Variants in PRLR observed in about 807,000 individuals in gnomAD.
The protein encoded by PRLR is hPRL receptor.
In PRLR, 13 loss-of-function variants were observed where a neutral mutation model predicts 40.2. That is an observed-to-expected ratio of 0.32 (90% confidence interval 0.21 to 0.51). The LOEUF (loss-of-function observed/expected upper bound fraction) is 0.51. Ranked by LOEUF, PRLR falls within the 20% of genes least tolerant of loss-of-function variation. PRLR has a pLI of 0.97. For synonymous variants in PRLR, 269 were observed against 278.7 expected, an observed-to-expected ratio of 0.97 and a Z score of 0.35; for missense variants, 656 against 747.3, an observed-to-expected ratio of 0.88 and a Z score of 1.42.
intron 2 of PRLR, among the ~76,000 whole-genome samples, chr5:35,105,156 G>T (rs1280038143): frequency 5.3e-5 from 8 of 152,226 alleles, no homozygotes; most frequent in Admixed American, 2.0e-4. Context: ...GCAGCTGAGG[G>T]TCCTGACTGT....
intron 1 of PRLR, among the ~76,000 whole-genome samples, chr5:35,198,280 A>G (rs1035742436): frequency 6.6e-6 from 1 of 152,222 alleles, no homozygotes; most frequent in Non-Finnish European, 1.5e-5. Context: ...GAGCCCCAGC[A>G]GAGTATCGCT....
chr5:35,109,160 C>T (rs1400040792), intron 2 of PRLR, among the ~76,000 whole-genome samples: 20 of 152,132 alleles, frequency 1.3e-4, no homozygotes, highest in African/African-American at 4.1e-4. Context: ...AACTGGCTAG[C>T]CATATGTAGA....
intron 1 of PRLR, among the ~76,000 whole-genome samples, chr5:35,120,491 T>C (rs576332170): frequency 6.6e-6 from 1 of 152,344 alleles, no homozygotes; most frequent in African/African-American, 2.4e-5. Context: ...ATTTTGTATA[T>C]ACTTCCTAAC....
Position 35,065,147 on chromosome 5 carries a change from A to G in PRLR, c.1811T>C (p.Leu604Pro), listed in dbSNP as rs1477041358. 1.2e-6 allele frequency: 2 copies of G among 1,614,176 alleles called. No homozygotes were observed. Residue 604 changes from leucine to proline, a missense_variant, in exon 10 of 10, where the codon CTC becomes CCC. Physicochemically the swap from Leu to Pro is moderately conservative, Grantham distance 98. This residue lies in a region of PRLR where 469 missense variants were observed against 491.5 expected (regional missense o/e 0.95). Coordinates refer to ENST00000618457, the MANE Select transcript of PRLR (RefSeq NM_000949.7). ...CAGGTAATCCAAACCACCCAGCTGG[A>G]GCCTGCACTTGCTTGATGTTGCAGT... is the stretch of plus-strand genomic sequence containing the variant. ...NFTATSSKCR[L>P]QLGGLDYLDP...
At chr5:35,084,735 G>C (rs1770737318) in intron 4 of PRLR, 96 bp from the exon 5 acceptor site, 1 of 1,195,814 alleles carries the variant, frequency 8.4e-7, no homozygotes, top group Non-Finnish European at 1.2e-6. Flanking sequence ...TTGGGTATCA[G>C]AAATTCCAAG....
At chr5:35,202,107 C>T (rs909825816) in intron 1 of PRLR, among the ~76,000 whole-genome samples, 3 of 152,202 alleles carry the variant, frequency 2.0e-5, no homozygotes, top group Non-Finnish European at 4.4e-5. Context: ...GTTCTTTATA[C>T]TTCAGTTTCC....
chr5:35,082,969 T>C (rs185129819), intron 5 of PRLR, among the ~76,000 whole-genome samples: 10 of 152,272 alleles, frequency 6.6e-5, no homozygotes, highest in Middle Eastern at 6.8e-3. Flanking sequence ...GAGTCCCTTT[T>C]TTTGTGGGTC....
intron 1 of PRLR, among the ~76,000 whole-genome samples, chr5:35,132,292 A>G (rs778612847): frequency 2.0e-4 from 31 of 152,076 alleles, no homozygotes; most frequent in African/African-American, 6.5e-4. Flanking sequence ...AGAACACTCA[A>G]TACCATCAAC....
chr5:35,198,089 C>T (rs377051309), intron 1 of PRLR, among the ~76,000 whole-genome samples: 147 of 152,360 alleles, frequency 9.6e-4, no homozygotes, highest in African/African-American at 3.3e-3. Context: ...GATTCCCCAG[C>T]GACAGGGCAG....
intron 2 of PRLR, among the ~76,000 whole-genome samples, chr5:35,109,024 G>C (rs1450000901): frequency 6.6e-6 from 1 of 152,120 alleles, no homozygotes; most frequent in African/African-American, 2.4e-5. Context: ...CAGAAATACA[G>C]ACCAATGGAA....
intron 2 of PRLR, among the ~76,000 whole-genome samples, chr5:35,107,373 G>A (rs1407336042): frequency 2.0e-5 from 3 of 152,020 alleles, no homozygotes; most frequent in African/African-American, 7.2e-5. Flanking sequence ...AAATAACTAA[G>A]ATCAGAGCAG....
At chr5:35,105,522 A>G (rs948845512) in intron 2 of PRLR, among the ~76,000 whole-genome samples, 4 of 152,318 alleles carry the variant, frequency 2.6e-5, no homozygotes, top group Non-Finnish European at 4.4e-5. Flanking sequence ...CAGTGTATAG[A>G]GAAGACCTTA....
At chr5:35,181,053 T>A (rs763255135) in intron 1 of PRLR, among the ~76,000 whole-genome samples, 38 of 152,340 alleles carry the variant, frequency 2.5e-4, no homozygotes, top group Admixed American at 4.6e-4. Flanking sequence ...TAGTATGTCC[T>A]TGAGTAAAAG....
intron 1 of PRLR, among the ~76,000 whole-genome samples, chr5:35,165,082 T>G (rs1418259173): frequency 2.0e-5 from 3 of 152,158 alleles, no homozygotes; most frequent in Non-Finnish European, 4.4e-5. Context: ...CTGAATTAGT[T>G]TTTACCTAAG....
intron 1 of PRLR, among the ~76,000 whole-genome samples, chr5:35,209,747 T>C (rs77297887): frequency 0.017 from 2,600 of 152,362 alleles, 33 homozygotes; most frequent in Middle Eastern, 0.027. Flanking sequence ...ACGTATTCAC[T>C]GTGCCATGAT....
At chr5:35,149,871 T>C (rs1479064737) in intron 1 of PRLR, among the ~76,000 whole-genome samples, 1 of 152,176 alleles carries the variant, frequency 6.6e-6, no homozygotes, top group African/African-American at 2.4e-5. Flanking sequence ...CTTTTTTTTT[T>C]TTCTGAGACA....
Position 35,065,057 on chromosome 5 carries a change from C to T in PRLR, c.*32G>A. The T allele has an allele frequency of 6.3e-7, 1 of 1,583,150 alleles. No homozygotes were observed. The highest frequency in any genetic ancestry group is 8.6e-7 in the Non-Finnish European group (1 of 1,163,038). On this transcript the variant is annotated 3_prime_UTR_variant, in exon 10 of 10. Coordinates refer to ENST00000618457, the MANE Select transcript of PRLR (RefSeq NM_000949.7). ...TGTAGTGTTACCTGAAGAAAAATCACATTTTAACCAATCATTCCATTAGTC... is the reference window on the plus strand; with the variant it reads ...TGTAGTGTTACCTGAAGAAAAATCATATTTTAACCAATCATTCCATTAGTC...
intron 6 of PRLR, among the ~76,000 whole-genome samples, chr5:35,072,017 T>C (rs1769777314): frequency 6.6e-6 from 1 of 152,020 alleles, no homozygotes; most frequent in Non-Finnish European, 1.5e-5. Context: ...TGCTTCAGCC[T>C]CCCGAGGAGC....
chr5:35,111,329 C>T (rs187835331), intron 2 of PRLR, among the ~76,000 whole-genome samples: 1 of 152,074 alleles, frequency 6.6e-6, no homozygotes, highest in African/African-American at 2.4e-5. Flanking sequence ...TTCCCAACCC[C>T]GTGAGATTTC....
Sources: gnomAD v4.1 joint callset for allele counts (sites outside exome capture counted in the v4.1 genomes callset) on GRCh38, gnomAD v4.1.1 for gene constraint, gnomAD v4.1.1 regional missense constraint, MANE v1.5 for transcripts, NCBI Gene and HGNC (gene_info 2026-07-23, HGNC 2026-07-21) for gene names.